Variants in ADAM12 observed in about 807,000 individuals in gnomAD.
ADAM12 encodes the protein disintegrin and metalloproteinase domain-containing protein 12.
ADAM12 carries 70 observed loss-of-function variants against 106.4 expected under a neutral mutation model. The observed-to-expected ratio is 0.66, with a 90% confidence interval of 0.54 to 0.80. The LOEUF (loss-of-function observed/expected upper bound fraction) is 0.80, where lower values mean the gene tolerates loss of function less well. Among genes scored for constraint, ADAM12 ranks in the 30% least tolerant of loss-of-function variants. The probability of loss-of-function intolerance (pLI) is 0.00; values close to 1 mark genes in which losing one functional copy is unlikely to be tolerated. For missense variants in ADAM12, 1,010 were observed against 1,171.9 expected (o/e 0.86, Z 2.02); for synonymous variants, 420 against 433.5 (o/e 0.97, Z 0.39).
intron 1 of ADAM12, among the ~76,000 whole-genome samples, chr10:126,356,214 C>G (rs1263068826): frequency 6.6e-6 from 1 of 152,188 alleles, no homozygotes; most frequent in Non-Finnish European, 1.5e-5. Context: ...CAACTCTGTA[C>G]AACTGAAGAA....
chr10:126,046,835 G>A (rs1263288230), intron 16 of ADAM12, among the ~76,000 whole-genome samples: 1 of 151,194 alleles, frequency 6.6e-6, no homozygotes, highest in Non-Finnish European at 1.5e-5. Context: ...AAAGATATAG[G>A]GGAGGGCGAG....
chr10:126,246,161 C>G (rs1490844196), intron 3 of ADAM12, among the ~76,000 whole-genome samples: 1 of 152,036 alleles, frequency 6.6e-6, no homozygotes, highest in East Asian at 1.9e-4. Context: ...TAAATAGGGC[C>G]TAAGATACAG....
At chr10:126,041,451 T>C (rs553991637) in intron 18 of ADAM12, 27 of 985,608 alleles carry the variant, frequency 2.7e-5, no homozygotes, top group Admixed American at 6.1e-5. Flanking sequence ...GAAGGGTTGG[T>C]GACTCTGTGG....
chr10:126,264,835 A>T (rs1455210426), intron 3 of ADAM12, among the ~76,000 whole-genome samples: 1 of 152,112 alleles, frequency 6.6e-6, no homozygotes, highest in Non-Finnish European at 1.5e-5. Context: ...TACTAGCAAC[A>T]CTGGAACCAG....
chr10:126,067,304 C>T (rs769007636), intron 12 of ADAM12, among the ~76,000 whole-genome samples: 39 of 152,232 alleles, frequency 2.6e-4, no homozygotes, highest in Non-Finnish European at 5.0e-4. Flanking sequence ...TCCCTGCAAT[C>T]TCGCCAGGGT....
chr10:126,038,322 A>G lies in ADAM12; in HGVS notation c.2268T>C (p.Arg756=). The change falls in exon 20 of 23, where the codon CGT becomes CGC. Residue 756 remains arginine (R), a synonymous_variant. Transcript: ENST00000448723. ...GGTGAGCCTGACAGGGTTGGAAGCC[A>G]CGGGGTGGCCGGGAAGGGCGCACAC... is the stretch of plus-strand genomic sequence containing the variant. ...LRCVRPSRPP[R]GFQPCQAHLG... is the part of the protein sequence containing the mutation. 6.2e-7 allele frequency: 1 copy of G among 1,607,204 alleles called. No individual in the cohort carries two copies. The highest frequency in any genetic ancestry group is 8.5e-7 in the Non-Finnish European group (1 of 1,175,872).
intron 11 of ADAM12, among the ~76,000 whole-genome samples, chr10:126,085,654 G>C (rs1413870777): frequency 6.6e-6 from 1 of 151,752 alleles, no homozygotes; most frequent in Non-Finnish European, 1.5e-5. Context: ...TCCTTTGTCT[G>C]TCTGTCCATC....
At position 126,098,461 on chromosome 10, in the gene ADAM12, T is replaced by G. The variant is rs758488499; in HGVS notation, c.951A>C (p.Pro317=). Residue 317 remains proline (P), a synonymous_variant, in exon 10 of 23, where the codon CCA becomes CCC. Coordinates refer to ENST00000448723, the MANE Select transcript of ADAM12 (RefSeq NM_001288973.2). The stretch of plus-strand genomic sequence containing the variant: ...GGTCTGCCGTGCACATGCTCATGAT[T>G]GGGGCCATGCCGATGGTGGTCCCTT... ...YFQGTTIGMA[P]IMSMCTADQS... 3 of 1,614,138 alleles carry G rather than the reference T, an allele frequency of 1.9e-6. No homozygotes were observed. Among genetic ancestry groups the G allele is most frequent in the Non-Finnish European group, 1.7e-6 (2 of 1,179,990 alleles).
chr10:126,310,605 G>A (rs949646753), intron 2 of ADAM12, among the ~76,000 whole-genome samples: 9 of 152,174 alleles, frequency 5.9e-5, no homozygotes, highest in Non-Finnish European at 1.2e-4. Flanking sequence ...TGGTGGCTGA[G>A]GTAGGGGCAG....
intron 2 of ADAM12, 35 bp from the exon 3 acceptor site, chr10:126,279,023 G>A (rs754895678): frequency 2.6e-6 from 4 of 1,544,042 alleles, no homozygotes; most frequent in East Asian, 4.5e-5. Flanking sequence ...GTTGAAAAAC[G>A]CTTGGCTTTG....
intron 2 of ADAM12, among the ~76,000 whole-genome samples, chr10:126,283,766 C>T (rs1488336397): frequency 2.0e-5 from 3 of 152,134 alleles, no homozygotes; most frequent in East Asian, 1.9e-4. Context: ...TGGGCTTTGG[C>T]TTTTCATCCT....
intron 11 of ADAM12, 117 bp from the exon 12 acceptor site, chr10:126,071,771 T>A: frequency 1.8e-6 from 2 of 1,114,262 alleles, no homozygotes; most frequent in Non-Finnish European, 1.3e-6. Flanking sequence ...TCACTGGTGG[T>A]CTCAATGAAC....
At chr10:126,128,663 G>A in intron 5 of ADAM12, among the ~76,000 whole-genome samples, 1 of 148,310 alleles carries the variant, frequency 6.7e-6, no homozygotes, top group Non-Finnish European at 1.5e-5. Flanking sequence ...ATGTGTGCAA[G>A]TGGGCGCCTG....
intron 2 of ADAM12, among the ~76,000 whole-genome samples, chr10:126,325,410 TG>T (rs1161321069): frequency 6.6e-6 from 1 of 152,034 alleles, no homozygotes; most frequent in Non-Finnish European, 1.5e-5. Flanking sequence ...AAGGAAAGAA[TG>T]GGGATGGTTA....
intron 3 of ADAM12, among the ~76,000 whole-genome samples, chr10:126,249,421 G>C (rs10901572): frequency 0.71 from 108,343 of 152,212 alleles, 41,025 homozygotes; most frequent in East Asian, 0.85. Context: ...AACACCAGGC[G>C]GGGCGCCATG....
intron 1 of ADAM12, among the ~76,000 whole-genome samples, chr10:126,386,724 G>A (rs1004917586): frequency 1.3e-5 from 2 of 152,088 alleles, no homozygotes; most frequent in African/African-American, 4.8e-5. Context: ...TGTGTACAAA[G>A]CACGTGCCAA....
At chr10:126,387,238 C>T (rs1856695856) in intron 1 of ADAM12, among the ~76,000 whole-genome samples, 1 of 152,184 alleles carries the variant, frequency 6.6e-6, no homozygotes, top group African/African-American at 2.4e-5. Context: ...TAAAAAGGCA[C>T]CTGCTGGGTG....
intron 4 of ADAM12, among the ~76,000 whole-genome samples, chr10:126,143,293 TGTGCATGTGG>T (rs1361294179): frequency 1.3e-5 from 2 of 150,572 alleles, no homozygotes; most frequent in Non-Finnish European, 3.0e-5. Flanking sequence ...CATGTGTGTG[TGTGCATGTGG>T]GTGTGCATGT....
intron 3 of ADAM12, among the ~76,000 whole-genome samples, chr10:126,256,833 T>C (rs1958900776): frequency 6.6e-6 from 1 of 152,126 alleles, no homozygotes; most frequent in South Asian, 2.1e-4. Flanking sequence ...ACACCAACAT[T>C]GCAAAGGCTG....
Sources: gnomAD v4.1 joint callset for allele counts (sites outside exome capture counted in the v4.1 genomes callset) on GRCh38, gnomAD v4.1.1 for gene constraint, MANE v1.5 for transcripts, NCBI Gene and HGNC (gene_info 2026-07-23, HGNC 2026-07-21) for gene names.